The following CCDC171 variants were observed in gnomAD, a reference collection of about 807,000 sequenced individuals.
CCDC171 encodes the protein coiled-coil domain-containing protein 171.
Under a neutral mutation model 168.2 loss-of-function variants are expected in CCDC171, and 177 were observed. That is an observed-to-expected ratio of 1.05 (90% CI 0.93 to 1.19). The LOEUF is 1.19. Among genes scored for constraint, CCDC171 ranks in the 50% most tolerant of loss-of-function variants. The probability of loss-of-function intolerance (pLI) is 0.00; values close to 1 mark genes in which losing one functional copy is unlikely to be tolerated. For synonymous variants in CCDC171, 687 were observed against 540.8 expected (o/e 1.27, Z -3.75); for missense variants, 1,991 against 1,539.0 (o/e 1.29, Z -4.91).
At chr9:15,875,672 G>A (rs1256472161) in intron 24 of CCDC171, 3 of 151,804 alleles carry the variant, frequency 2.0e-5, no homozygotes, top group Non-Finnish European at 4.4e-5. Context: ...TAATTTTATA[G>A]AAAATTAATG....
chr9:15,994,449 C>A (rs1214421016), intron 3 of CCDC171, among the ~76,000 whole-genome samples: 2 of 152,036 alleles, frequency 1.3e-5, no homozygotes, highest in African/African-American at 4.8e-5. Context: ...GTGGAGGGAG[C>A]AGGGAGGGAT....
chr9:15,591,983 G>T (rs1439862674), intron 5 of CCDC171, among the ~76,000 whole-genome samples: 3 of 151,950 alleles, frequency 2.0e-5, no homozygotes, highest in Admixed American at 6.6e-5. Context: ...GTATAAACAT[G>T]ATATGTAACA....
chr9:16,076,430 T>C, the CCDC171 span, among the ~76,000 whole-genome samples: 3 of 152,212 alleles, frequency 2.0e-5, no homozygotes, highest in African/African-American at 4.8e-5. Flanking sequence ...TTGCTGTTCT[T>C]CCAGGTTGAT....
At chr9:15,977,020 A>T (rs2132855390), downstream of CCDC171, among the ~76,000 whole-genome samples, 1 of 152,320 alleles carries the variant, frequency 6.6e-6, no homozygotes, top group East Asian at 1.9e-4. Context: ...CTGGTTCTGT[A>T]AGAAACCCCT....
chr9:15,779,273 CA>C, intron 20 of CCDC171, 123 bp downstream of exon 20: 1 of 522,592 alleles, frequency 1.9e-6, no homozygotes, highest in Non-Finnish European at 3.0e-6. Flanking sequence ...CTATTAATAA[CA>C]TCTCTTTTTC....
intron 2 of CCDC171, among the ~76,000 whole-genome samples, chr9:15,570,162 G>C (rs1023360332): frequency 2.0e-5 from 3 of 151,972 alleles, no homozygotes; most frequent in Non-Finnish European, 4.4e-5. Context: ...GTAGAGGCAG[G>C]ATTTCACTAT....
rs1458401434 is a variant in CCDC171 at position 15,585,510 on chromosome 9, A to G, written c.353-5856A>G. Among the ~76,000 whole-genome samples, 5 of 152,338 alleles carry G rather than the reference A, an allele frequency of 3.3e-5. No homozygotes were observed. In the East Asian group the frequency reaches 9.6e-4, roughly 29 times the overall value. On this transcript the variant is annotated intron_variant, in intron 4 of 25. Transcript: ENST00000380701. ...GGACATCCTGTATGGTTCCATTAACATAAAGTTCTAGGATAGGAAAAGCTA... is the reference window on the plus strand; with the variant it reads ...GGACATCCTGTATGGTTCCATTAACGTAAAGTTCTAGGATAGGAAAAGCTA...
chr9:15,606,423 C>T (rs1412635982), intron 6 of CCDC171, among the ~76,000 whole-genome samples: 2 of 152,124 alleles, frequency 1.3e-5, no homozygotes, highest in African/African-American at 4.8e-5. Flanking sequence ...AAATGTTATA[C>T]AAAGCACCAG....
chr9:15,897,566 A>G (rs1468538897), intron 24 of CCDC171, among the ~76,000 whole-genome samples: 1 of 152,142 alleles, frequency 6.6e-6, no homozygotes, highest in African/African-American at 2.4e-5. Flanking sequence ...TACATAAACA[A>G]AAATCTGTAG....
the CCDC171 span, among the ~76,000 whole-genome samples, chr9:16,081,875 A>T: frequency 2.5e-4 from 38 of 151,904 alleles, no homozygotes; most frequent in African/African-American, 9.2e-4. Context: ...AACCCAGGAC[A>T]GAGATGCTCA....
intron 6 of CCDC171, among the ~76,000 whole-genome samples, chr9:15,614,247 C>G (rs1483265871): frequency 1.3e-5 from 2 of 152,096 alleles, no homozygotes; most frequent in Non-Finnish European, 2.9e-5. Flanking sequence ...ATATATGTGC[C>G]TGGTTCTCTG....
At chr9:15,639,427 T>C (rs958572093) in intron 7 of CCDC171, among the ~76,000 whole-genome samples, 1 of 152,160 alleles carries the variant, frequency 6.6e-6, no homozygotes, top group Non-Finnish European at 1.5e-5. Flanking sequence ...AATCAGTTTA[T>C]TATCATGTTA....
chr9:15,611,671 A>G (rs996271974), intron 6 of CCDC171, among the ~76,000 whole-genome samples: 2 of 152,100 alleles, frequency 1.3e-5, no homozygotes, highest in Non-Finnish European at 1.5e-5. Flanking sequence ...ACCTCTTTTG[A>G]TCAACCTCTA....
At chr9:15,715,184 A>G (rs1434656937) in intron 11 of CCDC171, among the ~76,000 whole-genome samples, 1 of 152,230 alleles carries the variant, frequency 6.6e-6, no homozygotes, top group African/African-American at 2.4e-5. Flanking sequence ...AAGCTTTGGT[A>G]AAGGAAGTGT....
chr9:16,070,747 G>A, the CCDC171 span, among the ~76,000 whole-genome samples: 1 of 152,160 alleles, frequency 6.6e-6, no homozygotes, highest in African/African-American at 2.4e-5. Context: ...TAACATGTGT[G>A]GCCACCCACC....
intron 6 of CCDC171, among the ~76,000 whole-genome samples, chr9:16,029,722 C>G (rs896665357): frequency 1.3e-5 from 2 of 152,012 alleles, no homozygotes; most frequent in Non-Finnish European, 2.9e-5. Context: ...ATTTTTGGAG[C>G]TAGAAGGAGA....
intron 21 of CCDC171, among the ~76,000 whole-genome samples, chr9:15,799,885 T>C (rs182965196): frequency 6.6e-6 from 1 of 152,316 alleles, no homozygotes; most frequent in Non-Finnish European, 1.5e-5. Flanking sequence ...TTTGCCTTTC[T>C]GTACCTGGCT....
At chr9:15,761,428 A>G (rs1452523434) in intron 18 of CCDC171, among the ~76,000 whole-genome samples, 2 of 152,170 alleles carry the variant, frequency 1.3e-5, no homozygotes, top group Non-Finnish European at 2.9e-5. Context: ...TGAATCTTAA[A>G]AAAATTATAA....
At chr9:15,944,876 C>CTT (rs1441953198) in intron 25 of CCDC171, among the ~76,000 whole-genome samples, 1 of 147,770 alleles carries the variant, frequency 6.8e-6, no homozygotes, top group South Asian at 2.1e-4. Flanking sequence ...TTCTTTCTTT[C>CTT]TTTCTTTCTT....
Sources: allele counts gnomAD v4.1 joint callset (sites outside exome capture counted in the v4.1 genomes callset), GRCh38; gene constraint gnomAD v4.1.1; transcripts MANE v1.5; gene names NCBI Gene and HGNC (gene_info 2026-07-23, HGNC 2026-07-21).